Variants in SH3D19 observed in about 807,000 individuals in gnomAD.
SH3D19 encodes the protein SH3 domain containing 19, also known as SH3 domain-containing protein 19.
In SH3D19, 58 loss-of-function variants were observed where a neutral mutation model predicts 112.1. That is an observed-to-expected ratio of 0.52 (90% CI 0.42 to 0.64). SH3D19 has a LOEUF of 0.64. Among genes scored for constraint, SH3D19 ranks in the 30% least tolerant of loss-of-function variants. The pLI is 0.00. For missense variants in SH3D19, 1,090 were observed against 1,263.4 expected, an observed-to-expected ratio of 0.86 and a Z score of 2.08; for synonymous variants, 391 against 448.5, an observed-to-expected ratio of 0.87 and a Z score of 1.62.
intron 1 of SH3D19, among the ~76,000 whole-genome samples, chr4:151,256,871 G>T (rs539940750): frequency 3.9e-5 from 6 of 151,928 alleles, no homozygotes; most frequent in African/African-American, 1.4e-4. Context: ...CTCCCAAGTA[G>T]CTGGGATTAC....
At chr4:151,230,441 A>G (rs553456446) in intron 1 of SH3D19, among the ~76,000 whole-genome samples, 1 of 152,318 alleles carries the variant, frequency 6.6e-6, no homozygotes, top group South Asian at 2.1e-4. Context: ...CAGGAGAGAA[A>G]AATCAAACCC....
chr4:151,165,569 GA>G lies in SH3D19; in HGVS notation c.1642+19del. 6.4e-7 allele frequency: 1 copy of G among 1,573,584 alleles called. No homozygotes were observed. Among genetic ancestry groups the G allele is most frequent in the Non-Finnish European group, 8.7e-7 (1 of 1,145,878 alleles). ...CCAGCCTCTTGAAGAAGCTAATAAAGAAAGCAGAGAAGTGCTTACATTTTCC... is the reference window on the plus strand; with the variant it reads ...CCAGCCTCTTGAAGAAGCTAATAAAGAAGCAGAGAAGTGCTTACATTTTCC... On this transcript the variant is annotated intron_variant, in intron 8 of 19. Coordinates refer to ENST00000604030, the MANE Select transcript of SH3D19 (RefSeq NM_001378122.1).
chr4:151,292,652 T>C (rs1339457591), intron 1 of SH3D19, among the ~76,000 whole-genome samples: 4 of 152,244 alleles, frequency 2.6e-5, no homozygotes, highest in African/African-American at 9.6e-5. Flanking sequence ...TTACAATCAT[T>C]ATCTTCACCA....
At chr4:151,249,851 A>G (rs2149976248) in intron 1 of SH3D19, among the ~76,000 whole-genome samples, 1 of 152,358 alleles carries the variant, frequency 6.6e-6, no homozygotes, top group African/African-American at 2.4e-5. Flanking sequence ...AAATATTAAT[A>G]TTCAATCCTC....
intron 1 of SH3D19, among the ~76,000 whole-genome samples, chr4:151,257,464 G>C (rs1772018571): frequency 6.6e-6 from 1 of 151,994 alleles, no homozygotes; most frequent in Non-Finnish European, 1.5e-5. Flanking sequence ...TTTTTCTATG[G>C]CCCTTCTAAC....
At chr4:151,226,144 G>A (rs1180884282) in intron 1 of SH3D19, 58 bp from the exon 2 acceptor site, 22 of 1,230,562 alleles carry the variant, frequency 1.8e-5, no homozygotes, top group South Asian at 4.1e-5. Context: ...CTGGAAAGAA[G>A]TTTTTAAATA....
intron 1 of SH3D19, among the ~76,000 whole-genome samples, chr4:151,318,354 T>TTATTA (rs1285592478): frequency 6.7e-6 from 1 of 149,226 alleles, no homozygotes; most frequent in Non-Finnish European, 1.5e-5. Flanking sequence ...AAGCTGAGCA[T>TTATTA]TATTACCAGG....
intron 15 of SH3D19, 73 bp downstream of exon 15, chr4:151,135,001 G>A: frequency 7.6e-7 from 1 of 1,310,504 alleles, no homozygotes; most frequent in Middle Eastern, 2.1e-4. Context: ...AGTGTTTTAA[G>A]CTTGATAATT....
Position 151,233,852 on chromosome 4 carries a change from C to T in SH3D19, c.113-7766G>A, listed in dbSNP as rs993476713. ...AAGGTTTTGAGCATGTGTCTGTCCC[C>T]TTTATCTAAGCAGCGTCTGATGTAG... On this transcript the variant is annotated intron_variant, in intron 1 of 19. Coordinates refer to ENST00000604030, the MANE Select transcript of SH3D19 (RefSeq NM_001378122.1). Among the ~76,000 whole-genome samples, 7 of 152,266 alleles carry T rather than the reference C, an allele frequency of 4.6e-5. No homozygotes were observed. The East Asian group carries it at 1.3e-3, about 29-fold the overall frequency.
chr4:151,182,673 G>A (rs1223999177), intron 3 of SH3D19, among the ~76,000 whole-genome samples: 1 of 152,160 alleles, frequency 6.6e-6, no homozygotes, highest in East Asian at 1.9e-4. Context: ...GACACCTTCT[G>A]TCAGTGCTGA....
At chr4:151,253,256 G>A (rs1035106411) in intron 1 of SH3D19, among the ~76,000 whole-genome samples, 1 of 152,122 alleles carries the variant, frequency 6.6e-6, no homozygotes, top group African/African-American at 2.4e-5. Context: ...GCACACCCCT[G>A]CCTCAGGGAC....
intron 1 of SH3D19, chr4:151,279,194 TAGAGAAAGA>T: frequency 3.4e-6 from 1 of 290,056 alleles, no homozygotes; most frequent in Non-Finnish European, 6.6e-6. Context: ...ACCAGCACAC[TAGAGAAAGA>T]AGAGAAAGAG....
At chr4:151,228,044 C>T (rs1233453649) in intron 1 of SH3D19, 19 of 985,242 alleles carry the variant, frequency 1.9e-5, no homozygotes, top group Admixed American at 6.2e-5. Context: ...AGCTCTCCTT[C>T]GTTCTTGGTT....
intron 9 of SH3D19, among the ~76,000 whole-genome samples, chr4:151,150,214 T>TAC (rs1754721702): frequency 2.1e-5 from 1 of 46,560 alleles, no homozygotes; most frequent in South Asian, 6.1e-4. Context: ...AAAATATATA[T>TAC]ATATATATAT....
At chr4:151,272,763 CT>C (rs548803369) in intron 1 of SH3D19, among the ~76,000 whole-genome samples, 85 of 142,632 alleles carry the variant, frequency 6.0e-4, no homozygotes, top group Middle Eastern at 3.6e-3. Context: ...TTTCACTTTT[CT>C]TTTTTTTTTT....
chr4:151,271,757 A>G (rs997171199), intron 1 of SH3D19, among the ~76,000 whole-genome samples: 4 of 152,248 alleles, frequency 2.6e-5, no homozygotes, highest in African/African-American at 9.6e-5. Flanking sequence ...AATAATAAAA[A>G]TAACAGCTGC....
At position 151,165,607 on chromosome 4, in the gene SH3D19, G is replaced by A. The variant is rs781338415; in HGVS notation, c.1624C>T (p.Pro542Ser). Reference sequence around the variant, plus strand: ...TGCTTACATTTTCCTGGTTTGGCTGGAATTCGAATTACAGTGGGCTTCCTG... The same window carrying A: ...TGCTTACATTTTCCTGGTTTGGCTGAAATTCGAATTACAGTGGGCTTCCTG... ...PTRKPTVIRI[P>S]AKPGKCLHED... The change falls in exon 8 of 20, where the codon CCA (proline) becomes TCA (serine). Residue 542 changes from proline (P) to serine (S), a missense_variant. By Grantham distance (74) the Pro-to-Ser change is moderately conservative. Coordinates refer to ENST00000604030, the MANE Select transcript of SH3D19 (RefSeq NM_001378122.1). 53 of 1,613,952 alleles carry A rather than the reference G, an allele frequency of 3.3e-5. 1 individual carries two copies. The highest frequency in any genetic ancestry group is 3.1e-4 in the South Asian group (28 of 91,034).
intron 2 of SH3D19, among the ~76,000 whole-genome samples, chr4:151,211,372 CCTT>C (rs937571424): frequency 6.6e-6 from 1 of 152,084 alleles, no homozygotes; most frequent in African/African-American, 2.4e-5. Context: ...CCTTGGGTCT[CCTT>C]ATTCCCTAAA....
At chr4:151,122,591 A>G (rs1456113905) in intron 19 of SH3D19, among the ~76,000 whole-genome samples, 1 of 152,018 alleles carries the variant, frequency 6.6e-6, no homozygotes, top group Non-Finnish European at 1.5e-5. Flanking sequence ...AGCACAATTA[A>G]TATTCCCTCA....
Sources: gnomAD v4.1 joint callset for allele counts (sites outside exome capture counted in the v4.1 genomes callset) on GRCh38, gnomAD v4.1.1 for gene constraint, MANE v1.5 for transcripts, NCBI Gene and HGNC (gene_info 2026-07-23, HGNC 2026-07-21) for gene names.